The following DCBLD2 variants were observed in gnomAD, a reference collection of about 807,000 sequenced individuals.
DCBLD2 encodes the protein discoidin, CUB and LCCL domain-containing protein 2.
A neutral mutation model predicts 86.8 loss-of-function variants in DCBLD2; 54 were observed. The observed-to-expected ratio is 0.62, with a 90% CI of 0.50 to 0.78. The LOEUF is 0.78. DCBLD2 is among the 30% of genes least tolerant of loss of function. The probability of loss-of-function intolerance (pLI) is 0.00; values close to 1 mark genes in which losing one functional copy is unlikely to be tolerated. For missense variants in DCBLD2, 908 were observed against 954.2 expected (o/e 0.95, Z 0.64); for synonymous variants, 354 against 341.3 (o/e 1.04, Z -0.41).
intron 7 of DCBLD2, 144 bp downstream of exon 7, chr3:98,820,099 CATTAT>C (rs1942091903): frequency 2.3e-6 from 1 of 429,398 alleles, no homozygotes; most frequent in African/African-American, 2.0e-5. Flanking sequence ...TTGCTCTATT[CATTAT>C]ATTATTAGAT....
chr3:98,815,645 A>T (rs1025673059), intron 9 of DCBLD2: 1 of 152,220 alleles, frequency 6.6e-6, no homozygotes, highest in Non-Finnish European at 1.5e-5. Context: ...AAGAGCTATT[A>T]TATATGCTCC....
Position 98,811,511 on chromosome 3 carries a change from G to T in DCBLD2, c.1407C>A (p.Ser469Arg). Residue 469 changes from serine to arginine, a missense_variant, in exon 11 of 16, where the codon AGC (serine) becomes AGA (arginine). Physicochemically the swap from Ser to Arg is moderately radical, Grantham distance 110. This residue lies in a region of DCBLD2 where 606 missense variants were observed against 678.5 expected (regional missense o/e 0.89). Transcript: ENST00000326840. ...GGGCTGTAGTGTTTTTGAGGTCATTGCTGTTCCGAGGAGGTGGAGGTTGAG... is the reference window on the plus strand; with the variant it reads ...GGGCTGTAGTGTTTTTGAGGTCATTTCTGTTCCGAGGAGGTGGAGGTTGAG... ...KLTQPPPPRN[S>R]NDLKNTTAPP... is the part of the protein sequence containing the mutation. The T allele has an allele frequency of 6.2e-7, 1 of 1,611,102 alleles. No individual in the cohort carries two copies. Among genetic ancestry groups the T allele is most frequent in the Non-Finnish European group, 8.5e-7 (1 of 1,178,902 alleles).
rs200789862 is a variant in DCBLD2 at position 98,819,378 on chromosome 3, G to A, written c.911C>T (p.Ala304Val). The A allele has an allele frequency of 8.1e-6, 13 of 1,613,556 alleles. No individual in the cohort carries two copies. The highest frequency in any genetic ancestry group is 1.1e-5 in the South Asian group (1 of 91,074). Residue 304 changes from alanine to valine, a missense_variant, in exon 8 of 16, where the codon GCG (alanine) becomes GTG (valine). Coordinates refer to ENST00000326840, the MANE Select transcript of DCBLD2 (RefSeq NM_080927.4). ...GTLGMESGVI[A>V]DPQITASSVL... Reference sequence around the variant, plus strand: ...AGATGATGCTGTTATTTGAGGATCCGCGATCACACCAGACTCCATCCCCAG... The same window carrying A: ...AGATGATGCTGTTATTTGAGGATCCACGATCACACCAGACTCCATCCCCAG...
chr3:98,820,238 A>G lies in DCBLD2; in HGVS notation c.871+10T>C. On this transcript the variant is annotated intron_variant, in intron 7 of 15. Transcript: ENST00000326840. ...TAAATAAAAAATTATAAAGTCCATA[A>G]AAGGCTTACCACTTGTCTTAAATGT... 1 of 1,444,680 alleles carries G rather than the reference A, an allele frequency of 6.9e-7. No individual in the cohort carries two copies. Among genetic ancestry groups the G allele is most frequent in the Non-Finnish European group, 9.1e-7 (1 of 1,099,026 alleles). 89.5% of individuals were successfully genotyped at this position (1,444,680 alleles called of 1,614,324 possible). A position where few individuals can be genotyped will look rare whatever the true frequency, so the allele number is the denominator to read the frequency against.
rs554398465 is a variant in DCBLD2, at chr3:98,858,441, G to A, written c.434-8843C>T. 2.2e-3 allele frequency among the ~76,000 whole-genome samples: 337 copies of A among 152,378 alleles called. 5 individuals carry two copies. Among genetic ancestry groups the A allele is most frequent in the Middle Eastern group, 0.014 (4 of 294 alleles). Reference sequence around the variant, plus strand: ...TGGGAGCCCAGGCAGAGGAGGTGCCGAGAGCGAGCGAGGCCTGCGAGGGCT... The same window carrying A: ...TGGGAGCCCAGGCAGAGGAGGTGCCAAGAGCGAGCGAGGCCTGCGAGGGCT... On this transcript the variant is annotated intron_variant, in intron 2 of 15. Coordinates refer to ENST00000326840, the MANE Select transcript of DCBLD2 (RefSeq NM_080927.4).
At chr3:98,838,853 C>G (rs538475189) in intron 3 of DCBLD2, among the ~76,000 whole-genome samples, 1 of 152,060 alleles carries the variant, frequency 6.6e-6, no homozygotes, top group East Asian at 1.9e-4. Context: ...GAGACCGGCC[C>G]GGCCAACACA....
intron 12 of DCBLD2, among the ~76,000 whole-genome samples, chr3:98,810,974 C>A (rs1162036186): frequency 6.6e-6 from 1 of 152,118 alleles, no homozygotes; most frequent in South Asian, 2.1e-4. Context: ...AACACAGTGG[C>A]CTTCTCTAAA....
chr3:98,901,251 C>G lies in DCBLD2; in HGVS notation c.76G>C (p.Ala26Pro), dbSNP rs1943845759. The G allele has an allele frequency of 1.3e-6, 2 of 1,531,678 alleles. No homozygotes were observed. The highest frequency in any genetic ancestry group is 8.7e-7 in the Non-Finnish European group (1 of 1,144,496). The allele number at this position is 1,531,678 out of a possible 1,614,324, so 94.9% of individuals were successfully genotyped here. A position where few individuals can be genotyped will look rare whatever the true frequency, so the allele number is the denominator to read the frequency against. ...PQVRAAAAAP[A>P]WAALPLSRSL... The stretch of plus-strand genomic sequence containing the variant: ...CGGGAGAGGGGGAGCGCGGCCCAGG[C>G]GGGGGCGGCGGCCGCGGCCCGGACT... Residue 26 changes from alanine (A) to proline (P), a missense_variant, in exon 1 of 16, where the codon GCC (alanine) becomes CCC (proline). This residue lies in a region of DCBLD2 where 294 missense variants were observed against 256.0 expected (regional missense o/e 1.15). Transcript: ENST00000326840.
intron 6 of DCBLD2, chr3:98,821,995 G>T (rs908968459): frequency 4.0e-5 from 21 of 531,254 alleles, no homozygotes; most frequent in African/African-American, 3.4e-4. Context: ...GCAGTGAGCC[G>T]AGATCACGCC....
intron 3 of DCBLD2, among the ~76,000 whole-genome samples, chr3:98,833,302 C>T (rs1942356479): frequency 6.6e-6 from 1 of 152,102 alleles, no homozygotes; most frequent in Non-Finnish European, 1.5e-5. Context: ...TTCTTTTTTG[C>T]ACTGGCTATT....
chr3:98,848,547 C>A (rs527922429), intron 3 of DCBLD2, among the ~76,000 whole-genome samples: 16 of 152,338 alleles, frequency 1.1e-4, no homozygotes, highest in Admixed American at 6.5e-4. Context: ...AATTGCCACA[C>A]TGTCTTCCAC....
At chr3:98,854,707 T>C (rs1190244511) in intron 2 of DCBLD2, among the ~76,000 whole-genome samples, 1 of 152,268 alleles carries the variant, frequency 6.6e-6, no homozygotes, top group African/African-American at 2.4e-5. Context: ...ATTGTACATC[T>C]TGATTTTAGA....
intron 3 of DCBLD2, among the ~76,000 whole-genome samples, chr3:98,830,479 T>C (rs886355509): frequency 1.3e-5 from 2 of 152,222 alleles, no homozygotes; most frequent in Non-Finnish European, 2.9e-5. Flanking sequence ...CCCAGCACCA[T>C]TTATTAAATA....
At chr3:98,859,350 C>T (rs1576186296) in intron 2 of DCBLD2, among the ~76,000 whole-genome samples, 1 of 152,186 alleles carries the variant, frequency 6.6e-6, no homozygotes, top group Non-Finnish European at 1.5e-5. Flanking sequence ...ACTTAAATGT[C>T]CCTGTCTGAC....
At chr3:98,812,742 T>TA in intron 9 of DCBLD2, 1 of 277,324 alleles carries the variant, frequency 3.6e-6, no homozygotes, top group Non-Finnish European at 6.8e-6. Context: ...ACAAGAGGGC[T>TA]AACTTGGCAT....
chr3:98,808,856 A>C (rs910704453), intron 12 of DCBLD2, among the ~76,000 whole-genome samples: 5 of 152,206 alleles, frequency 3.3e-5, no homozygotes, highest in African/African-American at 1.2e-4. Flanking sequence ...AGAAACTAAA[A>C]AAAGATGCAT....
In DCBLD2 at chr3:98,796,000, GGTT is replaced by G. The variant is rs1941579300; in HGVS notation, c.*3369_*3371del. 3 of 152,446 alleles carry G rather than the reference GGTT, an allele frequency of 2.0e-5. No homozygotes were observed. The highest frequency in any genetic ancestry group is 4.4e-5 in the Non-Finnish European group (3 of 67,990). The allele number at this position is 152,446 out of a possible 1,614,324, so 9.4% of individuals were successfully genotyped here. A position where few individuals can be genotyped will look rare whatever the true frequency, so the allele number is the denominator to read the frequency against. Reference sequence around the variant, plus strand: ...TATAAGGAAAAGCTACAAACCTCAAGGTTGTTTTATTTAAACCAAATAATCTGA... The same window carrying G: ...TATAAGGAAAAGCTACAAACCTCAAGGTTTTATTTAAACCAAATAATCTGA... On this transcript the variant is annotated 3_prime_UTR_variant, in exon 16 of 16. Coordinates refer to ENST00000326840, the MANE Select transcript of DCBLD2 (RefSeq NM_080927.4).
At chr3:98,844,215 G>C (rs1942678317) in intron 3 of DCBLD2, among the ~76,000 whole-genome samples, 1 of 151,968 alleles carries the variant, frequency 6.6e-6, no homozygotes, top group Admixed American at 6.6e-5. Flanking sequence ...GTTCCTCCTA[G>C]AAACTGGTCA....
At chr3:98,886,800 A>ACCCCC (rs56817910) in intron 1 of DCBLD2, among the ~76,000 whole-genome samples, 2 of 123,710 alleles carry the variant, frequency 1.6e-5, no homozygotes, top group Admixed American at 1.8e-4. Flanking sequence ...TTACAGGAAA[A>ACCCCC]CCCCCCCCCT....
Sources: allele counts gnomAD v4.1 joint callset (sites outside exome capture counted in the v4.1 genomes callset), GRCh38; gene constraint gnomAD v4.1.1; regional missense constraint gnomAD v4.1.1; transcripts MANE v1.5; gene names NCBI Gene and HGNC (gene_info 2026-07-23, HGNC 2026-07-21).